The following RNF220 variants were observed in gnomAD, a reference collection of about 807,000 sequenced individuals.
RNF220 encodes ring finger protein 220.
A neutral mutation model predicts 67.1 loss-of-function variants in RNF220; 7 were observed. The observed-to-expected ratio is 0.10, with a 90% CI of 0.06 to 0.20. The LOEUF (loss-of-function observed/expected upper bound fraction) is 0.20. Ranked by LOEUF, RNF220 falls within the 10% of genes least tolerant of loss-of-function variation. The pLI is 1.00. For missense variants in RNF220, 565 were observed against 740.3 expected, an observed-to-expected ratio of 0.76 and a Z score of 2.75; for synonymous variants, 270 against 283.2, an observed-to-expected ratio of 0.95 and a Z score of 0.47.
chr1:44,645,503 A>G lies in RNF220; in HGVS notation c.1445+15A>G. 1 of 1,612,708 alleles carries G rather than the reference A, an allele frequency of 6.2e-7. No homozygotes were observed. The highest frequency in any genetic ancestry group is 8.5e-7 in the Non-Finnish European group (1 of 1,179,376). ...GACATCGAGAAGTAAGTGTTTGGCC[A>G]GGAGAGAGCCCTGGGACCACAGTTC... On this transcript the variant is annotated intron_variant, in intron 12 of 14. Transcript: ENST00000361799. This position sits in a 1 kb window ranked among gnomAD's most constrained non-coding sequence, Gnocchi z 5.0.
At chr1:44,641,285 T>C (rs894577957) in intron 8 of RNF220, among the ~76,000 whole-genome samples, 15 of 152,136 alleles carry the variant, frequency 9.9e-5, no homozygotes, top group African/African-American at 3.1e-4. Context: ...TGCCTATGGG[T>C]GGGGGCTCAG....
chr1:44,501,604 T>G (rs1657887290), intron 2 of RNF220, among the ~76,000 whole-genome samples: 1 of 144,802 alleles, frequency 6.9e-6, no homozygotes, highest in Non-Finnish European at 1.5e-5. Flanking sequence ...GACAATTTCT[T>G]TCTTCCTTTT....
intron 2 of RNF220, among the ~76,000 whole-genome samples, chr1:44,425,411 A>G (rs1448753712): frequency 6.6e-6 from 1 of 152,144 alleles, no homozygotes; most frequent in African/African-American, 2.4e-5. Flanking sequence ...GTTAAAGTAA[A>G]TGAACCCAGG....
At chr1:44,634,747 T>C (rs1204929784) in intron 6 of RNF220, among the ~76,000 whole-genome samples, 1 of 152,248 alleles carries the variant, frequency 6.6e-6, no homozygotes, top group Non-Finnish European at 1.5e-5. Flanking sequence ...TCAGCATTAA[T>C]TAGCAGTGTT....
At position 44,636,103 on chromosome 1, in the gene RNF220, A is replaced by G. The variant is rs1644320124; in HGVS notation, c.1067A>G (p.Tyr356Cys). The change falls in exon 8 of 15, where the codon TAT (tyrosine) becomes TGT (cysteine). Residue 356 changes from tyrosine (Y) to cysteine (C), a missense_variant. Physicochemically the swap from Tyr to Cys is radical, Grantham distance 194. Transcript: ENST00000361799. ...EHENNNRFEE[Y>C]EWCGQKRIRA... is the part of the protein sequence containing the mutation. Reference sequence around the variant, plus strand: ...GAGAACAACAACCGCTTTGAGGAGTATGAGTGGTGTGGACAGAAGCGGATA... The same window carrying G: ...GAGAACAACAACCGCTTTGAGGAGTGTGAGTGGTGTGGACAGAAGCGGATA... 1 of 1,614,080 alleles carries G rather than the reference A, an allele frequency of 6.2e-7. No homozygotes were observed. The highest frequency in any genetic ancestry group is 8.5e-7 in the Non-Finnish European group (1 of 1,180,020).
At chr1:44,494,748 G>C (rs554385271) in intron 2 of RNF220, among the ~76,000 whole-genome samples, 38 of 152,240 alleles carry the variant, frequency 2.5e-4, no homozygotes, top group African/African-American at 9.1e-4. Context: ...GAAGACTTTT[G>C]CTCTTTCTTT....
At chr1:44,502,078 C>G (rs879910352) in intron 2 of RNF220, among the ~76,000 whole-genome samples, 4 of 105,624 alleles carry the variant, frequency 3.8e-5, no homozygotes, top group Non-Finnish European at 8.9e-5. Context: ...CACACACACA[C>G]ACACACACAC....
chr1:44,507,025 G>T (rs374240831), intron 2 of RNF220, among the ~76,000 whole-genome samples: 1 of 152,096 alleles, frequency 6.6e-6, no homozygotes, highest in Non-Finnish European at 1.5e-5. Context: ...GGCAGCTGGG[G>T]TGGTACAATG....
At chr1:44,583,722 G>A (rs982043656) in intron 2 of RNF220, among the ~76,000 whole-genome samples, 1 of 152,120 alleles carries the variant, frequency 6.6e-6, no homozygotes, top group African/African-American at 2.4e-5. Context: ...GTGCATTCAG[G>A]GTAACCTGTA....
intron 2 of RNF220, among the ~76,000 whole-genome samples, chr1:44,550,230 G>A (rs926227750): frequency 6.6e-6 from 1 of 152,222 alleles, no homozygotes; most frequent in African/African-American, 2.4e-5. Context: ...GGGGCTTTTG[G>A]AGAAGTGGGC....
chr1:44,543,597 A>G (rs1045036522), intron 2 of RNF220, among the ~76,000 whole-genome samples: 2 of 152,112 alleles, frequency 1.3e-5, no homozygotes, highest in Middle Eastern at 6.8e-3. Flanking sequence ...CGGAGCACGG[A>G]AGGGGCTAGT....
Position 44,547,361 on chromosome 1 carries a change from T to C in RNF220, c.626-66804T>C, listed in dbSNP as rs72689725. Among the ~76,000 whole-genome samples, 1,454 of 152,342 alleles carry C rather than the reference T, an allele frequency of 9.5e-3. 10 individuals carry two copies. The highest frequency in any genetic ancestry group is 0.016 in the Non-Finnish European group (1,118 of 68,028). On this transcript the variant is annotated intron_variant, in intron 2 of 14. Transcript: ENST00000361799. The stretch of plus-strand genomic sequence containing the variant: ...CCACAGTCCTTACCTCTTTGGTGAA[T>C]CTGTTCTCCTAAAGATTGTTCATCC...
intron 2 of RNF220, among the ~76,000 whole-genome samples, chr1:44,575,816 G>T (rs1558057882): frequency 6.6e-6 from 1 of 152,218 alleles, no homozygotes; most frequent in East Asian, 1.9e-4. Context: ...CCAAAGGGAA[G>T]AAATCAGTAT....
chr1:44,571,337 C>T (rs1421555747), intron 2 of RNF220, among the ~76,000 whole-genome samples: 2 of 152,206 alleles, frequency 1.3e-5, no homozygotes, highest in African/African-American at 2.4e-5. Context: ...TCATGACTCT[C>T]TTCTTCATTT....
intron 1 of RNF220, among the ~76,000 whole-genome samples, chr1:44,406,344 C>T (rs1473034607): frequency 1.3e-5 from 2 of 152,202 alleles, no homozygotes; most frequent in Non-Finnish European, 2.9e-5. Flanking sequence ...CTCCTCTGGG[C>T]TGGACCGGCC....
chr1:44,607,645 G>A (rs79222367), intron 2 of RNF220, among the ~76,000 whole-genome samples: 34,882 of 151,136 alleles, frequency 0.23, 4,411 homozygotes, highest in Non-Finnish European at 0.29. Flanking sequence ...CCGCCACCAC[G>A]CCCAGCTAAT....
In RNF220 at chr1:44,645,240, C is replaced by G. The variant is rs1286754425; in HGVS notation, c.1330C>G (p.Arg444Gly). The change falls in exon 11 of 15, where the codon CGC becomes GGC. Residue 444 changes from arginine to glycine, a missense_variant. Transcript: ENST00000361799. The surrounding 1 kb of genome is among the most constrained non-coding windows in gnomAD (Gnocchi z 5.0). The stretch of plus-strand genomic sequence containing the variant: ...CTCCAGTGGCGGCCCTCCCAGCACG[C>G]GCATCACACCTGAGTTCTCTAAATG... ...AVLNGGPPST[R>G]ITPEFSKWAS... 3.1e-6 allele frequency: 5 copies of G among 1,614,066 alleles called. No homozygotes were observed. Among genetic ancestry groups the G allele is most frequent in the Non-Finnish European group, 4.2e-6 (5 of 1,180,008 alleles).
chr1:44,449,235 G>A (rs1263263810), intron 2 of RNF220, among the ~76,000 whole-genome samples: 4 of 152,116 alleles, frequency 2.6e-5, no homozygotes, highest in African/African-American at 7.2e-5. Flanking sequence ...CTTGGGATTC[G>A]ATGAGATAGT....
rs140989396 is a variant in RNF220 at position 44,436,553 on chromosome 1, C to T, written c.625+23831C>T. ...TGCCCAGTTTAAATCCCACTTGAAC[C>T]ATGTGGTTTCTGAGTCCTGAACCTT... On this transcript the variant is annotated intron_variant, in intron 2 of 14. Coordinates refer to ENST00000361799, the MANE Select transcript of RNF220 (RefSeq NM_018150.4). Among the ~76,000 whole-genome samples the T allele has an allele frequency of 3.1e-3, 470 of 152,194 alleles. 1 individual carries two copies. Among genetic ancestry groups the T allele is most frequent in the African/African-American group, 0.011 (445 of 41,512 alleles).
Sources: gnomAD v4.1 joint callset for allele counts (sites outside exome capture counted in the v4.1 genomes callset) on GRCh38, gnomAD v4.1.1 for gene constraint, Gnocchi (gnomAD v3.1) non-coding constraint, MANE v1.5 for transcripts, NCBI Gene and HGNC (gene_info 2026-07-23, HGNC 2026-07-21) for gene names.